Variants in GALNT9 observed in about 807,000 individuals in gnomAD.
GALNT9 encodes the protein polypeptide N-acetylgalactosaminyltransferase 9, also known as GalNAc transferase 9.
Under a neutral mutation model 63.1 loss-of-function variants are expected in GALNT9, and 47 were observed. The observed-to-expected ratio is 0.75, with a 90% CI of 0.59 to 0.95. GALNT9 has a LOEUF of 0.95. Among genes scored for constraint, GALNT9 ranks in the 40% least tolerant of loss-of-function variants. The probability of loss-of-function intolerance (pLI) is 0.00; values close to 1 mark genes in which losing one functional copy is unlikely to be tolerated. For synonymous variants in GALNT9, 396 were observed against 365.7 expected (o/e 1.08, Z -0.94); for missense variants, 829 against 874.8 (o/e 0.95, Z 0.66).
At position 132,212,213 on chromosome 12, in the gene GALNT9, C is replaced by T. The variant is rs1876985325; in HGVS notation, c.1078-8523G>A. On this transcript the variant is annotated intron_variant, in intron 6 of 10. Transcript: ENST00000328957. ...CCTTCAGACCTCGACACGGAAACCC[C>T]ACCCGGGTCTGCAGCCCTCAGACCT... Among the ~76,000 whole-genome samples the T allele has an allele frequency of 4.1e-5, 6 of 146,362 alleles. No individual in the cohort carries two copies. The South Asian group carries it at 1.4e-3, about 33-fold the overall frequency.
chr12:132,290,590 T>TCCACAGCACCCACAA (rs1378445269), intron 1 of GALNT9, among the ~76,000 whole-genome samples: 2 of 136,452 alleles, frequency 1.5e-5, no homozygotes, highest in Non-Finnish European at 1.6e-5. Context: ...AGCGCCCACA[T>TCCACAGCACCCACAA]CCACAGCACC....
At chr12:132,204,499 T>C (rs960589425) in intron 6 of GALNT9, among the ~76,000 whole-genome samples, 4 of 152,070 alleles carry the variant, frequency 2.6e-5, no homozygotes, top group African/African-American at 9.7e-5. Context: ...CAGGGAGTGT[T>C]CACACACTCT....
chr12:132,244,946 T>C (rs1593082147), intron 6 of GALNT9, among the ~76,000 whole-genome samples: 1 of 138,630 alleles, frequency 7.2e-6, no homozygotes, highest in Non-Finnish European at 1.6e-5. Flanking sequence ...GACACCAAGG[T>C]GAAAACTTTC....
intron 6 of GALNT9, among the ~76,000 whole-genome samples, chr12:132,217,062 C>G (rs573943911): frequency 6.6e-6 from 1 of 152,172 alleles, no homozygotes; most frequent in Non-Finnish European, 1.5e-5. Context: ...AAGCCCACCT[C>G]TCTTCCATTT....
Position 132,198,467 on chromosome 12 carries a change from G to C in GALNT9, c.1498-508C>G, listed in dbSNP as rs1039487943. On this transcript the variant is annotated intron_variant, in intron 9 of 10. Coordinates refer to ENST00000328957, the MANE Select transcript of GALNT9 (RefSeq NM_001122636.2). ...GGCTGGGCCTGGGCCTGTGCTGCAG[G>C]TGAGTCCTGCCCAGGTGGGGAGTGC... 4.1e-4 allele frequency among the ~76,000 whole-genome samples: 54 copies of C among 130,478 alleles called. 1 individual carries two copies. Among genetic ancestry groups the C allele is most frequent in the Admixed American group, 3.8e-4 (5 of 13,200 alleles). 85.6% of individuals were successfully genotyped at this position (130,478 alleles called of 152,430 possible).
chr12:132,265,781 C>G lies in GALNT9; in HGVS notation c.420-3156G>C, dbSNP rs891329964. On this transcript the variant is annotated intron_variant, in intron 2 of 10. Coordinates refer to ENST00000328957, the MANE Select transcript of GALNT9 (RefSeq NM_001122636.2). This position sits in a 1 kb window ranked among gnomAD's most constrained non-coding sequence, Gnocchi z 5.3. ...CCACACATTCCTGCCTCGGAGGGGC[C>G]AGGGGCTTCTCCAGGACACTGTACA... 2.0e-5 allele frequency among the ~76,000 whole-genome samples: 3 copies of G among 152,242 alleles called. No homozygotes were observed. The South Asian group carries it at 6.2e-4, about 31-fold the overall frequency.
intron 3 of GALNT9, among the ~76,000 whole-genome samples, chr12:132,261,545 T>C (rs980419838): frequency 2.0e-5 from 3 of 152,158 alleles, no homozygotes; most frequent in African/African-American, 7.2e-5. Context: ...CTGGACTGGA[T>C]GGTCCTCCCC....
intron 6 of GALNT9, among the ~76,000 whole-genome samples, chr12:132,225,513 A>G (rs1877635988): frequency 6.8e-6 from 1 of 147,938 alleles, no homozygotes; most frequent in Admixed American, 6.7e-5. Flanking sequence ...CACACTCCAC[A>G]CACTGTATAT....
intron 7 of GALNT9, among the ~76,000 whole-genome samples, chr12:132,203,247 AGGCTGAGAGGAAAAACGCCCACCACACC>A (rs1323259942): frequency 6.6e-6 from 1 of 152,138 alleles, no homozygotes; most frequent in Non-Finnish European, 1.5e-5. Context: ...CAATTGCTCT[AGGCTGAGAGGAAAAACGCCCACCACACC>A]GGGGTGGGTG....
At chr12:132,210,819 C>G (rs527652825) in intron 6 of GALNT9, among the ~76,000 whole-genome samples, 1 of 139,080 alleles carries the variant, frequency 7.2e-6, no homozygotes, top group Non-Finnish European at 1.5e-5. Flanking sequence ...TCTGGGTGGT[C>G]GCCGTCTGGA....
intron 4 of GALNT9, among the ~76,000 whole-genome samples, chr12:132,258,957 G>C (rs781832723): frequency 5.3e-5 from 8 of 152,240 alleles, no homozygotes; most frequent in Middle Eastern, 3.2e-3. Flanking sequence ...GGTCGGCTCA[G>C]GCAGAGCCGG....
intron 5 of GALNT9, among the ~76,000 whole-genome samples, chr12:132,257,296 C>T (rs1420301008): frequency 8.5e-5 from 13 of 152,172 alleles, no homozygotes; most frequent in African/African-American, 3.1e-4. Context: ...GCTGCGTCTG[C>T]ATCTCTGTGA....
Position 132,310,390 on chromosome 12 carries a change from G to C in GALNT9, c.238+18576C>G, listed in dbSNP as rs550317081. 9.8e-4 allele frequency among the ~76,000 whole-genome samples: 149 copies of C among 152,328 alleles called. No homozygotes were observed. Among genetic ancestry groups the C allele is most frequent in the Non-Finnish European group, 1.8e-3 (123 of 68,030 alleles). The stretch of plus-strand genomic sequence containing the variant: ...AGCCGGGGCTGAGTGCCAGGAGTGA[G>C]AGCGCACCCACGTGAGGTCAGGCTG... On this transcript the variant is annotated intron_variant, in intron 1 of 10. Transcript: ENST00000328957. This position sits in a 1 kb window ranked among gnomAD's most constrained non-coding sequence, Gnocchi z 4.8.
rs1555239704 is a variant in GALNT9 at position 132,261,007 on chromosome 12, C to T, written c.702G>A (p.Lys234=). Residue 234 remains lysine (K), a synonymous_variant, in exon 4 of 11, where the codon AAG becomes AAA. Coordinates refer to ENST00000328957, the MANE Select transcript of GALNT9 (RefSeq NM_001122636.2). ...GLIRARLQGW[K]AATAPVVGFF... is the part of the protein sequence containing the mutation. ...AGCCGACGACTGGGGCGGTGGCCGC[C>T]TTCCAGCCCTGCAGCCGCGCGCGGA... 1.3e-6 allele frequency: 2 copies of T among 1,549,750 alleles called. No individual in the cohort carries two copies. Among genetic ancestry groups the T allele is most frequent in the East Asian group, 2.4e-5 (1 of 40,874 alleles).
At chr12:132,248,611 TG>T (rs1878802734) in intron 5 of GALNT9, among the ~76,000 whole-genome samples, 1 of 152,188 alleles carries the variant, frequency 6.6e-6, no homozygotes, top group Admixed American at 6.5e-5. Context: ...AGGACTGCAA[TG>T]GGCAGTTGCG....
chr12:132,247,672 CGGATG>C, intron 6 of GALNT9: 2 of 440,112 alleles, frequency 4.5e-6, no homozygotes, highest in Non-Finnish European at 7.9e-6. Context: ...ACCCCGTCCC[CGGATG>C]CCGTGGCCGC....
Position 132,286,197 on chromosome 12 carries a change from G to A in GALNT9, c.419+53C>T. Reference sequence around the variant, plus strand: ...AGTCACTTCCCTGGCCAGTGTGGGGGGCGGTCACTTCCTCGGCGGGCGTCG... The same window carrying A: ...AGTCACTTCCCTGGCCAGTGTGGGGAGCGGTCACTTCCTCGGCGGGCGTCG... On this transcript the variant is annotated intron_variant, in intron 2 of 10. Coordinates refer to ENST00000328957, the MANE Select transcript of GALNT9 (RefSeq NM_001122636.2). This position sits in a 1 kb window ranked among gnomAD's most constrained non-coding sequence, Gnocchi z 7.4. 1 of 1,512,560 alleles carries A rather than the reference G, an allele frequency of 6.6e-7. No homozygotes were observed. 93.7% of individuals were successfully genotyped at this position (1,512,560 alleles called of 1,614,324 possible). A position where few individuals can be genotyped will look rare whatever the true frequency, so the allele number is the denominator to read the frequency against.
intron 1 of GALNT9, among the ~76,000 whole-genome samples, chr12:132,317,471 T>C (rs565236459): frequency 2.1e-3 from 313 of 152,272 alleles, no homozygotes; most frequent in Middle Eastern, 3.4e-3. Context: ...TCAGCTCCTC[T>C]CCAGGGCCAC....
In GALNT9 at chr12:132,291,610, T is replaced by G. The variant is rs1286024047; in HGVS notation, c.239-5180A>C. The stretch of plus-strand genomic sequence containing the variant: ...ACCGCCCACATCCACACCACCCACC[T>G]CCACAGCACCCACGTCCACACCACC... On this transcript the variant is annotated intron_variant, in intron 1 of 10. Coordinates refer to ENST00000328957, the MANE Select transcript of GALNT9 (RefSeq NM_001122636.2). Among the ~76,000 whole-genome samples the G allele has an allele frequency of 5.3e-5, 5 of 94,638 alleles. No individual in the cohort carries two copies. The South Asian group carries it at 1.4e-3, about 27-fold the overall frequency. The allele number at this position is 94,638 out of a possible 152,430, so 62.1% of individuals were successfully genotyped here.
Sources: gnomAD v4.1 joint callset for allele counts (sites outside exome capture counted in the v4.1 genomes callset) on GRCh38, gnomAD v4.1.1 for gene constraint, Gnocchi (gnomAD v3.1) non-coding constraint, MANE v1.5 for transcripts, NCBI Gene and HGNC (gene_info 2026-07-23, HGNC 2026-07-21) for gene names.